Variants in SSH2 observed in about 807,000 individuals in gnomAD.
The protein encoded by SSH2 is protein phosphatase Slingshot homolog 2.
A neutral mutation model predicts 135.2 loss-of-function variants in SSH2; 37 were observed. The ratio of observed to expected loss-of-function variants is 0.27; its 90% CI spans 0.21 to 0.36. The LOEUF (loss-of-function observed/expected upper bound fraction) is 0.36. Ranked by LOEUF, SSH2 falls within the 10% of genes least tolerant of loss-of-function variation. The pLI, the probability that SSH2 is intolerant of heterozygous loss-of-function variation, is 1.00. For missense variants in SSH2, 1,408 were observed against 1,765.3 expected (o/e 0.80, Z 3.63); for synonymous variants, 628 against 646.2 (o/e 0.97, Z 0.43).
chr17:29,814,709 T>C (rs1263934549), intron 2 of SSH2, among the ~76,000 whole-genome samples: 1 of 151,944 alleles, frequency 6.6e-6, no homozygotes, highest in Non-Finnish European at 1.5e-5. Flanking sequence ...TAGAACTTTA[T>C]TAAGCCATTA....
At chr17:29,758,857 T>C (rs1053066986) in intron 3 of SSH2, among the ~76,000 whole-genome samples, 1 of 151,356 alleles carries the variant, frequency 6.6e-6, no homozygotes, top group Non-Finnish European at 1.5e-5. Flanking sequence ...AAAGTAATCC[T>C]CCTACCTCAG....
chr17:29,733,910 C>CTTTTT (rs200752788), intron 3 of SSH2, among the ~76,000 whole-genome samples: 12 of 130,536 alleles, frequency 9.2e-5, no homozygotes, highest in Non-Finnish European at 1.3e-4. Flanking sequence ...TAATTTCTTT[C>CTTTTT]TTTTTTTTTT....
chr17:29,711,111 G>A (rs537225881), intron 3 of SSH2, among the ~76,000 whole-genome samples: 26 of 152,220 alleles, frequency 1.7e-4, no homozygotes, highest in African/African-American at 5.5e-4. Context: ...ACCAATTACC[G>A]GCCGAAGCAG....
At chr17:29,899,246 C>T (rs1304905826) in intron 1 of SSH2, among the ~76,000 whole-genome samples, 1 of 151,654 alleles carries the variant, frequency 6.6e-6, no homozygotes. Context: ...TCTCACCACT[C>T]CTATTCAACA....
At chr17:29,636,892 C>A in intron 14 of SSH2, 90 bp from the exon 15 acceptor site, 1 of 940,502 alleles carries the variant, frequency 1.1e-6, no homozygotes, top group East Asian at 2.4e-5. Flanking sequence ...TAAATCTTAA[C>A]TTGTAAAAAT....
intron 3 of SSH2, among the ~76,000 whole-genome samples, chr17:29,740,538 A>T (rs902830142): frequency 3.0e-4 from 46 of 152,056 alleles, no homozygotes; most frequent in African/African-American, 8.4e-4. Context: ...TTTGAGAAAC[A>T]TGCATACTTT....
chr17:29,808,752 T>C (rs1267357097), intron 2 of SSH2, among the ~76,000 whole-genome samples: 1 of 152,172 alleles, frequency 6.6e-6, no homozygotes, highest in Non-Finnish European at 1.5e-5. Flanking sequence ...GACTCTGATA[T>C]GTGCATTTGC....
At chr17:29,882,021 T>G (rs1053581953) in intron 1 of SSH2, among the ~76,000 whole-genome samples, 1 of 152,168 alleles carries the variant, frequency 6.6e-6, no homozygotes, top group African/African-American at 2.4e-5. Flanking sequence ...AGGAAGTCAT[T>G]TGGTTACAGA....
At chr17:29,884,413 G>A (rs1478034000) in intron 1 of SSH2, among the ~76,000 whole-genome samples, 1 of 152,086 alleles carries the variant, frequency 6.6e-6, no homozygotes, top group East Asian at 1.9e-4. Flanking sequence ...ACATATGGGG[G>A]CTTTCAGGGT....
At chr17:29,780,011 G>A (rs2151286696) in intron 3 of SSH2, among the ~76,000 whole-genome samples, 1 of 151,870 alleles carries the variant, frequency 6.6e-6, no homozygotes, top group East Asian at 1.9e-4. Flanking sequence ...GAGGTCAGTT[G>A]TTCGAGACCA....
chr17:29,814,023 G>C (rs1419669592), intron 2 of SSH2, among the ~76,000 whole-genome samples: 1 of 146,832 alleles, frequency 6.8e-6, no homozygotes, highest in Non-Finnish European at 1.5e-5. Context: ...CCAGCTACTA[G>C]GGAGGCTGAG....
intron 2 of SSH2, among the ~76,000 whole-genome samples, chr17:29,798,217 C>G (rs1268279939): frequency 1.3e-5 from 2 of 151,928 alleles, no homozygotes; most frequent in Non-Finnish European, 2.9e-5. Flanking sequence ...TTCTGTTGCC[C>G]AGGCTGGAGT....
chr17:29,838,739 G>A (rs2042988336), intron 2 of SSH2, among the ~76,000 whole-genome samples: 1 of 152,046 alleles, frequency 6.6e-6, no homozygotes, highest in Non-Finnish European at 1.5e-5. Context: ...CTATGGAGAG[G>A]AGCTACCCAC....
chr17:29,653,737 C>G (rs1321427493), intron 12 of SSH2, among the ~76,000 whole-genome samples: 1 of 152,094 alleles, frequency 6.6e-6, no homozygotes, highest in Non-Finnish European at 1.5e-5. Context: ...CAGGTGCCTG[C>G]CATCACACCT....
intron 3 of SSH2, among the ~76,000 whole-genome samples, chr17:29,774,036 A>G (rs1290823001): frequency 6.6e-6 from 1 of 152,246 alleles, no homozygotes; most frequent in Non-Finnish European, 1.5e-5. Context: ...AGACATAAAC[A>G]TATGCATAAG....
At position 29,632,288 on chromosome 17, in the gene SSH2, G is replaced by A. The variant is rs754653130; in HGVS notation, c.2906C>T (p.Ala969Val). The stretch of plus-strand genomic sequence containing the variant: ...CTGCTCAGAATGGGACAGTGAGCCA[G>A]CCTCAGACCCACTGTATTTCCCTTT... ...KGKGKYSGSE[A>V]GSLSHSEQNA... is the part of the protein sequence containing the mutation. The change falls in exon 16 of 16, where the codon GCT becomes GTT. Residue 969 changes from alanine (A) to valine (V), a missense_variant. Physicochemically the swap from Ala to Val is moderately conservative, Grantham distance 64 (BLOSUM62 0). Around this residue, in one of 3 missense-constraint regions of SSH2, gnomAD observed 1,080 missense variants for 1,144.5 expected, o/e 0.94. Transcript: ENST00000540801. The A allele has an allele frequency of 1.3e-5, 21 of 1,614,090 alleles. No homozygotes were observed. Among genetic ancestry groups the A allele is most frequent in the Non-Finnish European group, 9.3e-6 (11 of 1,179,992 alleles).
intron 6 of SSH2, among the ~76,000 whole-genome samples, chr17:29,684,019 A>G (rs1371160950): frequency 6.6e-6 from 1 of 152,196 alleles, no homozygotes; most frequent in Non-Finnish European, 1.5e-5. Flanking sequence ...TTATATTGTG[A>G]CTATCTAAAG....
intron 3 of SSH2, among the ~76,000 whole-genome samples, chr17:29,780,149 G>A (rs1016979357): frequency 2.0e-5 from 3 of 151,354 alleles, no homozygotes; most frequent in Non-Finnish European, 4.4e-5. Context: ...CCTGGGAGGC[G>A]GAGGTTGCAG....
intron 2 of SSH2, among the ~76,000 whole-genome samples, chr17:29,811,229 C>T (rs1464436119): frequency 6.6e-6 from 1 of 152,090 alleles, no homozygotes; most frequent in Non-Finnish European, 1.5e-5. Flanking sequence ...CTCCTGGCCT[C>T]AAGTGATCCA....
Sources: gnomAD v4.1 joint callset for allele counts (sites outside exome capture counted in the v4.1 genomes callset) on GRCh38, gnomAD v4.1.1 for gene constraint, gnomAD v4.1.1 regional missense constraint, MANE v1.5 for transcripts, NCBI Gene and HGNC (gene_info 2026-07-23, HGNC 2026-07-21) for gene names.